Variants in MACROD2 observed in about 807,000 individuals in gnomAD.
MACROD2 encodes mono-ADP ribosylhydrolase 2, also known as ADP-ribose glycohydrolase MACROD2.
In MACROD2, 36 loss-of-function variants were observed where a neutral mutation model predicts 70.4. The observed-to-expected ratio is 0.51, with a 90% CI of 0.39 to 0.68. MACROD2 has a LOEUF of 0.68. MACROD2 is among the 30% of genes least tolerant of loss of function. The pLI, the probability that MACROD2 is intolerant of heterozygous loss-of-function variation, is 0.00. For missense variants in MACROD2, 496 were observed against 538.4 expected (o/e 0.92, Z 0.78); for synonymous variants, 172 against 178.8 (o/e 0.96, Z 0.30).
intron 9 of MACROD2, among the ~76,000 whole-genome samples, chr20:15,883,450 T>G (rs947885945): frequency 6.6e-6 from 1 of 152,132 alleles, no homozygotes; most frequent in African/African-American, 2.4e-5. Context: ...TTTTAAAAAT[T>G]ATGTAGAAAA....
chr20:14,977,462 T>TACACAC (rs3045702), intron 5 of MACROD2, among the ~76,000 whole-genome samples: 4,380 of 135,002 alleles, frequency 0.032, 88 homozygotes, highest in Middle Eastern at 0.053. Flanking sequence ...AAGAAAAAGA[T>TACACAC]ACACACACAC....
chr20:14,243,010 A>G (rs1041579942), intron 3 of MACROD2, among the ~76,000 whole-genome samples: 1 of 152,188 alleles, frequency 6.6e-6, no homozygotes, highest in African/African-American at 2.4e-5. Context: ...TGAAGAAACT[A>G]TTCATGTCCC....
intron 3 of MACROD2, among the ~76,000 whole-genome samples, chr20:14,328,206 A>G (rs1415968411): frequency 2.0e-5 from 3 of 152,136 alleles, no homozygotes; most frequent in Admixed American, 2.0e-4. Context: ...GATTTCTGCA[A>G]GAAAATAAGA....
At chr20:15,227,307 A>G (rs888710682) in intron 5 of MACROD2, among the ~76,000 whole-genome samples, 3 of 152,074 alleles carry the variant, frequency 2.0e-5, no homozygotes, top group Non-Finnish European at 1.5e-5. Context: ...ACTATTTCCT[A>G]CACTTATGGG....
intron 4 of MACROD2, among the ~76,000 whole-genome samples, chr20:14,506,063 T>A (rs755680091): frequency 6.6e-6 from 1 of 152,176 alleles, no homozygotes; most frequent in East Asian, 1.9e-4. Context: ...GTGGGCAGGT[T>A]GTGCCTCTGT....
intron 6 of MACROD2, among the ~76,000 whole-genome samples, chr20:15,425,810 G>A (rs182127547): frequency 5.3e-4 from 81 of 152,324 alleles, no homozygotes; most frequent in Non-Finnish European, 9.3e-4. Flanking sequence ...GGATGAGCAA[G>A]AGAGAAAGAA....
At chr20:14,880,877 G>A (rs2073603526) in intron 5 of MACROD2, among the ~76,000 whole-genome samples, 1 of 152,140 alleles carries the variant, frequency 6.6e-6, no homozygotes, top group African/African-American at 2.4e-5. Flanking sequence ...GGCCAGAGTG[G>A]CCTCTTGTTG....
rs548030052 is a variant in MACROD2, at chr20:15,364,651, A to G, written c.541-66754A>G. 6.6e-5 allele frequency among the ~76,000 whole-genome samples: 10 copies of G among 152,346 alleles called. No individual in the cohort carries two copies. The East Asian group carries it at 1.5e-3, about 23-fold the overall frequency. ...TGTGAGTAATGTGAATGGTCTCTCA[A>G]ATCTACCTTTTGATCAGAGCTTTAC... On this transcript the variant is annotated intron_variant, in intron 6 of 17. Coordinates refer to ENST00000684519, the MANE Select transcript of MACROD2 (RefSeq NM_001351661.2).
chr20:15,115,795 A>G (rs2075987432), intron 5 of MACROD2, among the ~76,000 whole-genome samples: 1 of 152,154 alleles, frequency 6.6e-6, no homozygotes, highest in Non-Finnish European at 1.5e-5. Context: ...ATGAAAACAT[A>G]ATTTTTTAAA....
chr20:15,478,320 C>T (rs1208764720), intron 7 of MACROD2, among the ~76,000 whole-genome samples: 3 of 152,182 alleles, frequency 2.0e-5, no homozygotes, highest in East Asian at 1.9e-4. Flanking sequence ...AGCTTTCTAT[C>T]GGTTCTGGCT....
chr20:15,552,441 T>C (rs2048112367), intron 8 of MACROD2: 1 of 152,256 alleles, frequency 6.6e-6, no homozygotes, highest in Non-Finnish European at 1.5e-5. Flanking sequence ...AACAAAGTGG[T>C]AGGCACTCAG....
chr20:14,979,131 T>G (rs2074774052), intron 5 of MACROD2, among the ~76,000 whole-genome samples: 1 of 150,116 alleles, frequency 6.7e-6, no homozygotes, highest in Admixed American at 6.7e-5. Context: ...TTTTTTTTTT[T>G]TAATTTTTTG....
intron 4 of MACROD2, among the ~76,000 whole-genome samples, chr20:14,523,896 T>C (rs987830972): frequency 2.6e-5 from 4 of 152,212 alleles, no homozygotes; most frequent in Non-Finnish European, 4.4e-5. Context: ...TTTTGTCTCC[T>C]GCAATTGCCC....
chr20:15,193,596 C>T (rs1373341877), intron 5 of MACROD2, among the ~76,000 whole-genome samples: 1 of 152,002 alleles, frequency 6.6e-6, no homozygotes, highest in South Asian at 2.1e-4. Context: ...TGCAGTGAGC[C>T]CTATCACTGC....
intron 3 of MACROD2, among the ~76,000 whole-genome samples, chr20:14,215,526 C>CAGTA (rs1555936893): frequency 1.3e-5 from 2 of 152,122 alleles, no homozygotes; most frequent in Admixed American, 6.6e-5. Context: ...GGTACCCCCC[C>CAGTA]AGTAATGGGA....
intron 7 of MACROD2, among the ~76,000 whole-genome samples, chr20:15,491,553 G>T (rs2047232013): frequency 6.6e-6 from 1 of 152,266 alleles, no homozygotes; most frequent in Admixed American, 6.5e-5. Context: ...ATTTGCCACT[G>T]TGGGCAAGTG....
At chr20:15,565,094 T>C (rs1447974676) in intron 8 of MACROD2, among the ~76,000 whole-genome samples, 1 of 152,186 alleles carries the variant, frequency 6.6e-6, no homozygotes, top group Admixed American at 6.5e-5. Context: ...AAAGACAATA[T>C]GGAGCAGCTA....
At chr20:15,163,466 G>T (rs188634367) in intron 5 of MACROD2, among the ~76,000 whole-genome samples, 2 of 152,008 alleles carry the variant, frequency 1.3e-5, no homozygotes, top group African/African-American at 4.8e-5. Flanking sequence ...CTAATTAAGA[G>T]GTAAATCTAA....
rs2046795647 is a variant in MACROD2 at position 15,460,686 on chromosome 20, C to T, written c.571+29251C>T. Among the ~76,000 whole-genome samples the T allele has an allele frequency of 2.0e-5, 3 of 152,082 alleles. No individual in the cohort carries two copies. The South Asian group carries it at 6.2e-4, about 32-fold the overall frequency. ...TCAAAACCTATGTAAACAATTCCTT[C>T]TATTACATTTTCTTTTAAAATAACT... On this transcript the variant is annotated intron_variant, in intron 7 of 17. Transcript: ENST00000684519.
Sources: gnomAD v4.1 joint callset for allele counts (sites outside exome capture counted in the v4.1 genomes callset) on GRCh38, gnomAD v4.1.1 for gene constraint, MANE v1.5 for transcripts, NCBI Gene and HGNC (gene_info 2026-07-23, HGNC 2026-07-21) for gene names.